Variants in ALK observed in about 807,000 individuals in gnomAD.
ALK encodes ALK tyrosine kinase receptor.
Under a neutral mutation model 163.1 loss-of-function variants are expected in ALK, and 74 were observed. The ratio of observed to expected loss-of-function variants is 0.45; its 90% CI spans 0.38 to 0.55. The LOEUF (loss-of-function observed/expected upper bound fraction) is 0.55. ALK is among the 20% of genes least tolerant of loss of function. The pLI, the probability that ALK is intolerant of heterozygous loss-of-function variation, is 0.00. For missense variants in ALK, 2,063 were observed against 2,105.3 expected (o/e 0.98, Z 0.39); for synonymous variants, 960 against 843.2 (o/e 1.14, Z -2.40).
intron 3 of ALK, among the ~76,000 whole-genome samples, chr2:29,627,609 G>A (rs1676233001): frequency 6.6e-6 from 1 of 152,212 alleles, no homozygotes; most frequent in Non-Finnish European, 1.5e-5. Context: ...CAGGAATGAG[G>A]AGGCGTGAGT....
chr2:29,279,238 T>C (rs1338862499), intron 9 of ALK, among the ~76,000 whole-genome samples: 1 of 152,208 alleles, frequency 6.6e-6, no homozygotes, highest in African/African-American at 2.4e-5. Flanking sequence ...TGATTGACAC[T>C]GTGAATTGCA....
intron 1 of ALK, among the ~76,000 whole-genome samples, chr2:29,755,936 C>T (rs1447734001): frequency 6.6e-6 from 1 of 152,176 alleles, no homozygotes; most frequent in African/African-American, 2.4e-5. Flanking sequence ...GAATAACAAA[C>T]CCAAGTTTTA....
chr2:29,208,596 C>T (rs1213454665), intron 25 of ALK, among the ~76,000 whole-genome samples: 2 of 152,174 alleles, frequency 1.3e-5, no homozygotes, highest in African/African-American at 4.8e-5. Context: ...ACATCTTCCA[C>T]ATGCTGCTGC....
chr2:29,920,243 C>T lies in ALK; in HGVS notation c.417G>A (p.Lys139=), dbSNP rs978498374. The change falls in exon 1 of 29, where the codon AAG becomes AAA. Residue 139 remains lysine, a synonymous_variant. Transcript: ENST00000389048. ...GGSVRKLRRA[K]QLVLELGEEA... is the part of the protein sequence containing the mutation. The stretch of plus-strand genomic sequence containing the variant: ...CCTCGCCCAGCTCCAGCACCAACTG[C>T]TTGGCACGCCGGAGCTTGCGCACGG... The T allele has an allele frequency of 2.5e-6, 4 of 1,609,594 alleles. No individual in the cohort carries two copies. Among genetic ancestry groups the T allele is most frequent in the African/African-American group, 2.7e-5 (2 of 74,910 alleles).
At chr2:29,486,015 C>T (rs2148121575) in intron 4 of ALK, among the ~76,000 whole-genome samples, 1 of 152,270 alleles carries the variant, frequency 6.6e-6, no homozygotes, top group South Asian at 2.1e-4. Flanking sequence ...TGGACTGCTT[C>T]CCGCCCCAGA....
chr2:29,839,803 C>T (rs1384551363), intron 1 of ALK, among the ~76,000 whole-genome samples: 3 of 152,080 alleles, frequency 2.0e-5, no homozygotes, highest in Non-Finnish European at 4.4e-5. Context: ...GGTGTCTCTT[C>T]TGTGAGATAT....
At chr2:29,314,688 G>A (rs1666780773) in intron 8 of ALK, among the ~76,000 whole-genome samples, 1 of 152,164 alleles carries the variant, frequency 6.6e-6, no homozygotes, top group African/African-American at 2.4e-5. Flanking sequence ...AGAAAATGAG[G>A]AAAGTCCACT....
intron 28 of ALK, 79 bp from the exon 29 acceptor site, chr2:29,194,001 T>TTAGATAACATC: frequency 1.5e-6 from 2 of 1,331,418 alleles, no homozygotes; most frequent in Non-Finnish European, 1.1e-6. Flanking sequence ...GAGATGATGT[T>TTAGATAACATC]ATCTAAACAT....
chr2:29,510,770 T>C (rs1178143978), intron 4 of ALK, among the ~76,000 whole-genome samples: 6 of 152,148 alleles, frequency 3.9e-5, no homozygotes, highest in South Asian at 2.1e-4. Flanking sequence ...GAGTTTTATT[T>C]TGTGGTCTAG....
intron 1 of ALK, among the ~76,000 whole-genome samples, chr2:29,803,342 T>A (rs997845896): frequency 2.0e-5 from 3 of 152,258 alleles, no homozygotes; most frequent in African/African-American, 7.2e-5. Context: ...TAAAGCTGAA[T>A]AGAGTCAGAC....
chr2:29,624,135 T>TTATAAACCAC (rs70958272), intron 3 of ALK, among the ~76,000 whole-genome samples: 1,952 of 150,816 alleles, frequency 0.013, 56 homozygotes, highest in African/African-American at 0.046. Context: ...GACTATGTGT[T>TTATAAACCAC]GATGCCTTTC....
chr2:29,348,113 T>C (rs185584863), intron 5 of ALK, among the ~76,000 whole-genome samples: 6 of 152,242 alleles, frequency 3.9e-5, no homozygotes, highest in Admixed American at 3.9e-4. Flanking sequence ...AGGAGTTGCT[T>C]CTTCTCAGAG....
intron 1 of ALK, among the ~76,000 whole-genome samples, chr2:29,729,212 G>A (rs1409368679): frequency 2.0e-5 from 3 of 152,196 alleles, no homozygotes; most frequent in East Asian, 3.8e-4. Context: ...TCTGGGTCAC[G>A]GATAAGCCCT....
At position 29,908,042 on chromosome 2, in the gene ALK, C is replaced by T. The variant is rs150165925; in HGVS notation, c.667+11951G>A. ...TATTTGGTGTAATAGCTTCACGGGG[C>T]TCCAACACTAGCCCTCTCTACATCC... On this transcript the variant is annotated intron_variant, in intron 1 of 28. Transcript: ENST00000389048. Among the ~76,000 whole-genome samples the T allele has an allele frequency of 1.8e-3, 280 of 152,266 alleles. 2 individuals are homozygous for T. Among genetic ancestry groups the T allele is most frequent in the Non-Finnish European group, 3.2e-3 (220 of 68,038 alleles).
chr2:29,902,693 C>A (rs1386502302), intron 1 of ALK, among the ~76,000 whole-genome samples: 1 of 152,220 alleles, frequency 6.6e-6, no homozygotes, highest in African/African-American at 2.4e-5. Flanking sequence ...CTGGACTGAC[C>A]TTGTGCTCCA....
At chr2:29,567,896 G>C (rs768456274) in intron 3 of ALK, among the ~76,000 whole-genome samples, 3 of 152,144 alleles carry the variant, frequency 2.0e-5, no homozygotes, top group Non-Finnish European at 4.4e-5. Flanking sequence ...ACTAGGCTTG[G>C]GGATGTGTGT....
intron 3 of ALK, among the ~76,000 whole-genome samples, chr2:29,609,163 A>T (rs1675619278): frequency 6.6e-6 from 1 of 152,160 alleles, no homozygotes; most frequent in East Asian, 1.9e-4. Context: ...GCCTCAAACA[A>T]TCTGCCTGCC....
chr2:29,514,858 T>C (rs1672620344), intron 4 of ALK, among the ~76,000 whole-genome samples: 2 of 152,212 alleles, frequency 1.3e-5, no homozygotes, highest in Non-Finnish European at 2.9e-5. Context: ...CCTTTCCTTG[T>C]GGTGCTGCAA....
chr2:29,699,279 C>G (rs1005262623), intron 2 of ALK, among the ~76,000 whole-genome samples: 1 of 152,180 alleles, frequency 6.6e-6, no homozygotes, highest in Non-Finnish European at 1.5e-5. Context: ...ACGCACTGTC[C>G]TGGGTGTTTT....
Sources: allele counts gnomAD v4.1 joint callset (sites outside exome capture counted in the v4.1 genomes callset), GRCh38; gene constraint gnomAD v4.1.1; transcripts MANE v1.5; gene names NCBI Gene and HGNC (gene_info 2026-07-23, HGNC 2026-07-21).